Variants in TPST1 observed in about 807,000 individuals in gnomAD.
The protein encoded by TPST1 is protein-tyrosine sulfotransferase 1.
TPST1 carries 20 observed loss-of-function variants against 34.8 expected under a neutral mutation model. The ratio of observed to expected loss-of-function variants is 0.57; its 90% CI spans 0.40 to 0.84. TPST1 has a LOEUF of 0.84. Among genes scored for constraint, TPST1 ranks in the 40% least tolerant of loss-of-function variants. The pLI is 0.00. For missense variants in TPST1, 353 were observed against 455.5 expected (o/e 0.78, Z 2.05); for synonymous variants, 152 against 159.4 (o/e 0.95, Z 0.35).
chr7:66,211,009 C>T (rs1299776772), intron 1 of TPST1, among the ~76,000 whole-genome samples: 1 of 151,964 alleles, frequency 6.6e-6, no homozygotes, highest in Non-Finnish European at 1.5e-5. Flanking sequence ...ACACACACAC[C>T]AGGATAAATA....
Position 66,206,123 on chromosome 7 carries a change from CT to C in TPST1, c.-102+620del, listed in dbSNP as rs55882173. Among the ~76,000 whole-genome samples the C allele has an allele frequency of 6.2e-3, 723 of 116,100 alleles. 9 individuals are homozygous for C. The highest frequency in any genetic ancestry group is 0.021 in the African/African-American group (657 of 30,710). The allele number at this position is 116,100 out of a possible 152,430, so 76.2% of individuals were successfully genotyped here. A position where few individuals can be genotyped will look rare whatever the true frequency, so the allele number is the denominator to read the frequency against. On this transcript the variant is annotated intron_variant, in intron 1 of 5. Transcript: ENST00000304842. ...ACTCTCTGCAATGCCGGATTCATCG[CT>C]TTTTTTTTTTTTTTTTTTGAGAGAT...
At chr7:66,328,719 A>G (rs1791921974) in intron 3 of TPST1, among the ~76,000 whole-genome samples, 1 of 149,754 alleles carries the variant, frequency 6.7e-6, no homozygotes, top group South Asian at 2.1e-4. Context: ...TAATTTTTGT[A>G]TTTTTAGTAG....
chr7:66,293,048 C>T (rs1450465862), intron 3 of TPST1, among the ~76,000 whole-genome samples: 1 of 151,942 alleles, frequency 6.6e-6, no homozygotes, highest in East Asian at 1.9e-4. Context: ...CTACTAAATA[C>T]ACAAAAAATT....
intron 1 of TPST1, among the ~76,000 whole-genome samples, chr7:66,222,387 A>G (rs922962620): frequency 1.8e-4 from 26 of 147,282 alleles, no homozygotes; most frequent in African/African-American, 6.5e-4. Flanking sequence ...CTCCGTTTCA[A>G]AAAAAAAAAA....
intron 3 of TPST1, among the ~76,000 whole-genome samples, chr7:66,316,935 A>C (rs1791644627): frequency 6.6e-6 from 1 of 152,140 alleles, no homozygotes; most frequent in African/African-American, 2.4e-5. Flanking sequence ...TGGAGGGTGG[A>C]GGAGGGAGAG....
Position 66,286,506 on chromosome 7 carries a change from T to G in TPST1, c.846-5T>G. On this transcript the variant is annotated splice_region_variant and splice_polypyrimidine_tract_variant and intron_variant, in intron 2 of 5. Coordinates refer to ENST00000304842, the MANE Select transcript of TPST1 (RefSeq NM_003596.4). ...AAATATTTATTCATATTATGTTGTT[T>G]TCAGAGTGGAGAGATCTACAGACCA... The G allele has an allele frequency of 6.4e-7, 1 of 1,565,494 alleles. No individual in the cohort carries two copies. Among genetic ancestry groups the G allele is most frequent in the Non-Finnish European group, 8.6e-7 (1 of 1,156,362 alleles).
intron 2 of TPST1, among the ~76,000 whole-genome samples, chr7:66,282,190 C>A (rs1790945397): frequency 6.6e-6 from 1 of 152,186 alleles, no homozygotes; most frequent in Admixed American, 6.5e-5. Flanking sequence ...ATTTAATGAG[C>A]TCCTTGCAGT....
chr7:66,270,744 A>G (rs1238828912), intron 2 of TPST1, among the ~76,000 whole-genome samples: 1 of 152,154 alleles, frequency 6.6e-6, no homozygotes, highest in Non-Finnish European at 1.5e-5. Flanking sequence ...TGAATTCTCT[A>G]CTTCCTGTAA....
chr7:66,232,647 G>GC (rs1562806127), intron 1 of TPST1, among the ~76,000 whole-genome samples: 1 of 152,070 alleles, frequency 6.6e-6, no homozygotes, highest in African/African-American at 2.4e-5. Context: ...ATGAGCCACC[G>GC]CGCCCGGCCC....
chr7:66,252,456 C>T (rs1314012439), intron 2 of TPST1, among the ~76,000 whole-genome samples: 2 of 151,730 alleles, frequency 1.3e-5, no homozygotes, highest in African/African-American at 4.8e-5. Flanking sequence ...ATTCTCCTGC[C>T]TCAGTCTCCC....
intron 3 of TPST1, among the ~76,000 whole-genome samples, chr7:66,322,159 C>G (rs541049973): frequency 6.6e-6 from 1 of 152,244 alleles, no homozygotes; most frequent in African/African-American, 2.4e-5. Flanking sequence ...ATATATCCTC[C>G]TATGTTATCT....
intron 1 of TPST1, among the ~76,000 whole-genome samples, chr7:66,219,765 G>A (rs936297693): frequency 6.6e-6 from 1 of 152,102 alleles, no homozygotes; most frequent in Non-Finnish European, 1.5e-5. Context: ...ATAATGACTG[G>A]GACGTACCAT....
At chr7:66,244,057 T>G (rs765091160) in intron 2 of TPST1, among the ~76,000 whole-genome samples, 2 of 150,036 alleles carry the variant, frequency 1.3e-5, no homozygotes, top group Non-Finnish European at 3.0e-5. Context: ...CACGCCATTC[T>G]CCTGCCTCAG....
At chr7:66,246,347 A>G (rs1016120921) in intron 2 of TPST1, among the ~76,000 whole-genome samples, 3 of 151,872 alleles carry the variant, frequency 2.0e-5, no homozygotes, top group Non-Finnish European at 4.4e-5. Context: ...TACAAGCTAT[A>G]TTGAAGAGAG....
chr7:66,207,576 C>T (rs1789156893), intron 1 of TPST1, among the ~76,000 whole-genome samples: 1 of 152,156 alleles, frequency 6.6e-6, no homozygotes. Context: ...TTATTCTTCT[C>T]AGATTAACGT....
the TPST1 span, among the ~76,000 whole-genome samples, chr7:66,199,717 C>CTT: frequency 0.018 from 2,615 of 143,276 alleles, 60 homozygotes; most frequent in East Asian, 0.09. Flanking sequence ...ATTTGTGTCC[C>CTT]TTTTTTTTTT....
chr7:66,240,550 T>A lies in TPST1; in HGVS notation c.125T>A (p.Val42Asp), dbSNP rs1347731489. The A allele has an allele frequency of 1.3e-5, 21 of 1,613,948 alleles. No homozygotes were observed. The highest frequency in any genetic ancestry group is 1.7e-5 in the Non-Finnish European group (20 of 1,180,024). The change falls in exon 2 of 6, where the codon GTC becomes GAC. Residue 42 changes from valine to aspartate, a missense_variant. Val to Asp is a radical substitution (Grantham distance 152). Coordinates refer to ENST00000304842, the MANE Select transcript of TPST1 (RefSeq NM_003596.4). ...CGGATAGAGGAACGTAGCCAGCCAGTCAAATTGGAGAGCACAAGGACCACT... is the reference window on the plus strand; with the variant it reads ...CGGATAGAGGAACGTAGCCAGCCAGACAAATTGGAGAGCACAAGGACCACT... ...HHRIEERSQP[V>D]KLESTRTTVR...
chr7:66,226,752 C>G (rs1343354971), intron 1 of TPST1, among the ~76,000 whole-genome samples: 1 of 152,148 alleles, frequency 6.6e-6, no homozygotes, highest in Non-Finnish European at 1.5e-5. Context: ...CCGTTGACAA[C>G]TAACAAGTAT....
At chr7:66,348,785 C>T (rs1792407267) in intron 3 of TPST1, among the ~76,000 whole-genome samples, 1 of 152,164 alleles carries the variant, frequency 6.6e-6, no homozygotes, top group Admixed American at 6.5e-5. Context: ...TTTACAGTTC[C>T]TAACTTTTGA....
Sources: allele counts gnomAD v4.1 joint callset (sites outside exome capture counted in the v4.1 genomes callset), GRCh38; gene constraint gnomAD v4.1.1; transcripts MANE v1.5; gene names NCBI Gene and HGNC (gene_info 2026-07-23, HGNC 2026-07-21).